Variants in TRPV4 observed in about 807,000 individuals in gnomAD.
The protein encoded by TRPV4 is transient receptor potential cation channel subfamily V member 4.
TRPV4 carries 58 observed loss-of-function variants against 84.1 expected under a neutral mutation model. That is an observed-to-expected ratio of 0.69 (90% CI 0.56 to 0.86). The LOEUF is 0.86. Among genes scored for constraint, TRPV4 ranks in the 40% least tolerant of loss-of-function variants. The pLI is 0.00. For missense variants in TRPV4, 879 were observed against 1,181.1 expected (o/e 0.74, Z 3.75); for synonymous variants, 489 against 500.9 (o/e 0.98, Z 0.32).
intron 2 of TRPV4, among the ~76,000 whole-genome samples, chr12:109,813,955 G>A (rs1891692508): frequency 6.6e-6 from 1 of 151,750 alleles, no homozygotes. Flanking sequence ...GAAGGATGAT[G>A]TATAAATGAA....
At position 109,794,611 on chromosome 12, in the gene TRPV4, T is replaced by C. The variant is rs116148421; in HGVS notation, c.1333-124A>G. The C allele has an allele frequency of 1.7e-3, 1,700 of 1,002,444 alleles. 33 individuals are homozygous for C. In the African/African-American group the frequency reaches 0.025, roughly 15 times the overall value. 62.1% of individuals were successfully genotyped at this position (1,002,444 alleles called of 1,614,324 possible). A position where few individuals can be genotyped will look rare whatever the true frequency, so the allele number is the denominator to read the frequency against. Reference sequence around the variant, plus strand: ...AGCGCTTTCTCTTTCCATCCATTCCTCAGCTGCATTCACGGATTCATGAAT... The same window carrying C: ...AGCGCTTTCTCTTTCCATCCATTCCCCAGCTGCATTCACGGATTCATGAAT... On this transcript the variant is annotated intron_variant, in intron 7 of 15. Transcript: ENST00000261740.
chr12:109,804,136 G>T (rs1338583078), intron 3 of TRPV4, among the ~76,000 whole-genome samples: 1 of 152,174 alleles, frequency 6.6e-6, no homozygotes, highest in Non-Finnish European at 1.5e-5. Context: ...TCTTTCTCAT[G>T]AAGTCAACTC....
Position 109,792,318 on chromosome 12 carries a change from C to A in TRPV4, c.1891+45G>T. ...TATACATCATGGCTACTGTTCCCGT[C>A]CTTGCACCACCCCTGCCAGGACCAC... On this transcript the variant is annotated intron_variant, in intron 12 of 15. Coordinates refer to ENST00000261740, the MANE Select transcript of TRPV4 (RefSeq NM_021625.5). The A allele has an allele frequency of 1.9e-6, 3 of 1,575,606 alleles. No homozygotes were observed. In the South Asian group the frequency reaches 3.3e-5, roughly 17 times the overall value.
chr12:109,802,959 C>T, intron 4 of TRPV4, 32 bp downstream of exon 4: 1 of 1,611,900 alleles, frequency 6.2e-7, no homozygotes, highest in Non-Finnish European at 8.5e-7. Context: ...CCATCAGCCC[C>T]CGTGGCACCC....
At chr12:109,810,869 C>A (rs1592857716) in intron 2 of TRPV4, among the ~76,000 whole-genome samples, 1 of 152,258 alleles carries the variant, frequency 6.6e-6, no homozygotes, top group East Asian at 1.9e-4. Flanking sequence ...AGATACAGAG[C>A]CCACCAGCTT....
At position 109,785,383 on chromosome 12, in the gene TRPV4, T is replaced by A. The variant is rs77343552; in HGVS notation, c.2337-946A>T. Among the ~76,000 whole-genome samples, 758 of 152,060 alleles carry A rather than the reference T, an allele frequency of 5.0e-3. 33 individuals carry two copies. The East Asian group carries it at 0.11, about 22-fold the overall frequency. The stretch of plus-strand genomic sequence containing the variant: ...TTTTTTATATATTATCTTTTTTTTT[T>A]ACATATTATCTTTAATTTTTTATCC... On this transcript the variant is annotated intron_variant, in intron 14 of 15. Coordinates refer to ENST00000261740, the MANE Select transcript of TRPV4 (RefSeq NM_021625.5).
At chr12:109,820,764 C>A (rs1892069238) in intron 1 of TRPV4, among the ~76,000 whole-genome samples, 1 of 152,034 alleles carries the variant, frequency 6.6e-6, no homozygotes, top group Admixed American at 6.6e-5. Flanking sequence ...ACCTCGTGAT[C>A]CGCCTGCCTC....
intron 5 of TRPV4, among the ~76,000 whole-genome samples, chr12:109,799,267 C>T (rs1890625842): frequency 6.6e-6 from 1 of 151,898 alleles, no homozygotes; most frequent in African/African-American, 2.4e-5. Flanking sequence ...GTTCTTGTGC[C>T]TCAGCCGAGT....
intron 1 of TRPV4, among the ~76,000 whole-genome samples, chr12:109,819,109 G>T (rs1002160570): frequency 3.3e-5 from 5 of 151,690 alleles, no homozygotes; most frequent in Non-Finnish European, 7.4e-5. Flanking sequence ...ACCCGGCTCT[G>T]CTGCTCTGTG....
rs888687940 is a variant in TRPV4, at chr12:109,798,141, G to A, written c.1152+473C>T. Among the ~76,000 whole-genome samples the A allele has an allele frequency of 6.6e-6, 1 of 152,180 alleles. No individual in the cohort carries two copies. Among genetic ancestry groups the A allele is most frequent in the African/African-American group, 2.4e-5 (1 of 41,448 alleles). On this transcript the variant is annotated intron_variant, in intron 6 of 15. Transcript: ENST00000261740. The surrounding 1 kb of genome is among the most constrained non-coding windows in gnomAD (Gnocchi z 5.0). Reference sequence around the variant, plus strand: ...CTGGCATCTGGTGGGTAGAGGCCCGGGATGCAGATCAATGTCTGGCAATAG... The same window carrying A: ...CTGGCATCTGGTGGGTAGAGGCCCGAGATGCAGATCAATGTCTGGCAATAG...
At position 109,815,699 on chromosome 12, in the gene TRPV4, G is replaced by A. The variant is rs889747464; in HGVS notation, c.-31-872C>T. Among the ~76,000 whole-genome samples, 3 of 152,220 alleles carry A rather than the reference G, an allele frequency of 2.0e-5. No individual in the cohort carries two copies. Among genetic ancestry groups the A allele is most frequent in the African/African-American group, 7.2e-5 (3 of 41,452 alleles). ...ATCCCAGCTGTTCACGGGATGGTTC[G>A]TTCCCAGGCTGTGGGTGCCAGGAGG... On this transcript the variant is annotated intron_variant, in intron 1 of 15. Coordinates refer to ENST00000261740, the MANE Select transcript of TRPV4 (RefSeq NM_021625.5). This position sits in a 1 kb window ranked among gnomAD's most constrained non-coding sequence, Gnocchi z 4.1.
At chr12:109,821,533 T>C (rs1892097782) in intron 1 of TRPV4, among the ~76,000 whole-genome samples, 2 of 143,324 alleles carry the variant, frequency 1.4e-5, no homozygotes, top group African/African-American at 5.3e-5. Context: ...CTTTTCTATA[T>C]ATGTATTTTT....
rs1891284916 is a variant in TRPV4 at position 109,808,478 on chromosome 12, G to C, written c.387-10C>G. On this transcript the variant is annotated splice_polypyrimidine_tract_variant and intron_variant, in intron 2 of 15. Transcript: ENST00000261740. ...GCTCTGCGGCTGCTTCCTGGAGGAG[G>C]TAGGGAGGCAAGTTGATGGGAGGGC... The C allele has an allele frequency of 1.2e-6, 2 of 1,608,766 alleles. No homozygotes were observed. Among genetic ancestry groups the C allele is most frequent in the African/African-American group, 2.7e-5 (2 of 74,812 alleles).
At chr12:109,809,917 G>A (rs943760125) in intron 2 of TRPV4, among the ~76,000 whole-genome samples, 1 of 152,166 alleles carries the variant, frequency 6.6e-6, no homozygotes, top group Non-Finnish European at 1.5e-5. Flanking sequence ...CCCACCACAC[G>A]GTAAACATTC....
At chr12:109,810,186 C>T (rs1221934994) in intron 2 of TRPV4, among the ~76,000 whole-genome samples, 2 of 152,228 alleles carry the variant, frequency 1.3e-5, no homozygotes, top group African/African-American at 4.8e-5. Flanking sequence ...AGAGAAAGAG[C>T]TAGCCCAGGG....
intron 12 of TRPV4, among the ~76,000 whole-genome samples, chr12:109,789,686 G>C (rs925814308): frequency 1.3e-5 from 2 of 152,222 alleles, no homozygotes; most frequent in Non-Finnish European, 2.9e-5. Context: ...CCATCAGTCA[G>C]TGGGGCACAG....
intron 12 of TRPV4, 136 bp downstream of exon 12, chr12:109,792,227 G>C: frequency 2.7e-6 from 2 of 747,200 alleles, no homozygotes; most frequent in Middle Eastern, 3.1e-4. Flanking sequence ...CGGGCAACAG[G>C]AGCAAAACTC....
chr12:109,812,563 G>C (rs1891585820), intron 2 of TRPV4, among the ~76,000 whole-genome samples: 1 of 152,182 alleles, frequency 6.6e-6, no homozygotes, highest in African/African-American at 2.4e-5. Flanking sequence ...AAATGAGTCA[G>C]TGACTAAGCA....
chr12:109,792,414 G>C lies in TRPV4; in HGVS notation c.1840C>G (p.Leu614Val). The change falls in exon 12 of 16, where the codon CTT becomes GTT. Residue 614 changes from leucine (L) to valine (V), a missense_variant. Leu to Val is a conservative substitution (Grantham distance 32). Coordinates refer to ENST00000261740, the MANE Select transcript of TRPV4 (RefSeq NM_021625.5). ...IMIQKILFKDLFRFLLVYLLF... is the reference protein window; with the variant it reads ...IMIQKILFKDVFRFLLVYLLF... ...AAGTAGACGAGCAGGAATCGGAAAA[G>C]GTCCTTGAAGAGAATCTAAAGACCC... The C allele has an allele frequency of 6.2e-7, 1 of 1,613,972 alleles. No individual in the cohort carries two copies. The highest frequency in any genetic ancestry group is 8.5e-7 in the Non-Finnish European group (1 of 1,179,996).
Sources: allele counts gnomAD v4.1 joint callset (sites outside exome capture counted in the v4.1 genomes callset), GRCh38; gene constraint gnomAD v4.1.1; non-coding constraint Gnocchi (gnomAD v3.1); transcripts MANE v1.5; gene names NCBI Gene and HGNC (gene_info 2026-07-23, HGNC 2026-07-21).